Variants in DOCK11 observed in about 807,000 individuals in gnomAD.
The protein encoded by DOCK11 is dedicator of cytokinesis protein 11.
In DOCK11, 70 loss-of-function variants were observed where a neutral mutation model predicts 169.1. That is an observed-to-expected ratio of 0.41 (90% CI 0.34 to 0.51). The LOEUF (loss-of-function observed/expected upper bound fraction) is 0.51. Ranked by LOEUF, DOCK11 falls within the 20% of genes least tolerant of loss-of-function variation. The pLI, the probability that DOCK11 is intolerant of heterozygous loss-of-function variation, is 0.10. For synonymous variants in DOCK11, 529 were observed against 541.3 expected (o/e 0.98, Z 0.32); for missense variants, 1,166 against 1,538.8 (o/e 0.76, Z 4.05).
At chrX:118,599,103 T>A in intron 22 of DOCK11, 36 bp from the exon 23 acceptor site, 1 of 1,119,761 alleles carries the variant, frequency 8.9e-7, no homozygotes, top group Non-Finnish European at 1.2e-6. Context: ...GGATAATGAA[T>A]CAAATTTCAT....
chrX:118,629,632 A>G (rs947338762), intron 34 of DOCK11, among the ~76,000 whole-genome samples: 2 of 109,961 alleles, frequency 1.8e-5, no homozygotes, highest in Non-Finnish European at 1.9e-5. Flanking sequence ...ATCGTAATAT[A>G]ATTAGCCCAT....
chrX:118,586,018 A>G (rs893964823), intron 16 of DOCK11, among the ~76,000 whole-genome samples: 6 of 112,381 alleles, frequency 5.3e-5, no homozygotes, highest in Non-Finnish European at 9.4e-5. Flanking sequence ...GGTTTTGGCC[A>G]GGTGGTATCA....
chrX:118,635,363 A>G (rs1204116625), intron 35 of DOCK11, among the ~76,000 whole-genome samples: 1 of 111,999 alleles, frequency 8.9e-6, no homozygotes, highest in Non-Finnish European at 1.9e-5. Flanking sequence ...TGGAAAGTCA[A>G]GTGGTGGCAC....
At position 118,601,960 on chromosome X, in the gene DOCK11, TG is replaced by T. The variant is rs1292067272; in HGVS notation, c.2562+2733del. Among the ~76,000 whole-genome samples the T allele has an allele frequency of 1.5e-4, 16 of 106,235 alleles. No homozygotes were observed. In the South Asian group the frequency reaches 5.8e-3, roughly 39 times the overall value. The allele number at this position is 106,235 out of a possible 115,157, so 92.3% of individuals were successfully genotyped here. Reference sequence around the variant, plus strand: ...GCCCAGCTAATTTTTTTTTTTTTTTTGTATTTTTTAGTAGAGATGGGGTTTT... The same window carrying T: ...GCCCAGCTAATTTTTTTTTTTTTTTTTATTTTTTAGTAGAGATGGGGTTTT... On this transcript the variant is annotated intron_variant, in intron 23 of 52. Transcript: ENST00000276202.
At chrX:118,621,130 G>T (rs2014960653) in intron 31 of DOCK11, among the ~76,000 whole-genome samples, 1 of 112,652 alleles carries the variant, frequency 8.9e-6, no homozygotes, top group Non-Finnish European at 1.9e-5. Flanking sequence ...GAAATGCCAA[G>T]CCTTATTACT....
intron 24 of DOCK11, among the ~76,000 whole-genome samples, chrX:118,607,710 C>T (rs944928849): frequency 1.8e-5 from 2 of 111,770 alleles, no homozygotes; most frequent in African/African-American, 6.5e-5. Context: ...TTTCTATTCT[C>T]TTCCTTTTAT....
chrX:118,516,194 G>A (rs1290483559), intron 1 of DOCK11, among the ~76,000 whole-genome samples: 24 of 94,442 alleles, frequency 2.5e-4, no homozygotes, highest in Admixed American at 2.4e-3. Context: ...CCGGGTTCAC[G>A]CCATTCTCCT....
In DOCK11 at chrX:118,662,734, T is replaced by C. The variant is rs200574073; in HGVS notation, c.5018T>C (p.Ile1673Thr). The change falls in exon 45 of 53, where the codon ATA becomes ACA. Residue 1673 changes from isoleucine (I) to threonine (T), a missense_variant. Physicochemically the swap from Ile to Thr is moderately conservative, Grantham distance 89. Transcript: ENST00000276202. ...GCGTTCAAGAAAATTACTCCCAATA[T>C]AGATGAAGAAGGAGCAATGAAAGAA... ...CSAFKKITPN[I>T]DEEGAMKEDA... 4.2e-5 allele frequency: 51 copies of C among 1,201,829 alleles called. No individual in the cohort carries two copies. The East Asian group carries it at 1.3e-3, about 31-fold the overall frequency.
chrX:118,500,777 T>G (rs749319648), intron 1 of DOCK11, among the ~76,000 whole-genome samples: 1 of 110,166 alleles, frequency 9.1e-6, no homozygotes, highest in Non-Finnish European at 1.9e-5. Context: ...AACGCCACCG[T>G]GCCCAGCTAA....
intron 1 of DOCK11, among the ~76,000 whole-genome samples, chrX:118,507,002 G>A (rs980074389): frequency 2.7e-5 from 3 of 112,203 alleles, no homozygotes; most frequent in South Asian, 7.3e-4. Context: ...CCAGCTCTAC[G>A]TGGTTCATCT....
At chrX:118,675,371 G>A (rs1037753791) in intron 46 of DOCK11, among the ~76,000 whole-genome samples, 7 of 111,956 alleles carry the variant, frequency 6.3e-5, no homozygotes, top group East Asian at 2.8e-4. Flanking sequence ...AAAATATTCC[G>A]ATCCTGTAGA....
intron 32 of DOCK11, 98 bp downstream of exon 32, chrX:118,624,753 A>ATTT: frequency 1.3e-5 from 4 of 309,163 alleles, no homozygotes; most frequent in Non-Finnish European, 2.1e-5. Context: ...TTAAGAGTTC[A>ATTT]CTTTTTTTTT....
rs760883352 is a variant in DOCK11, at chrX:118,558,088, T to C, written c.559-3295T>C. ...CTCCCGGGTACAAGTAATTCTCACC[T>C]CAGCCTCCCGAGTTGCTGGGATTAC... On this transcript the variant is annotated intron_variant, in intron 6 of 52. Coordinates refer to ENST00000276202, the MANE Select transcript of DOCK11 (RefSeq NM_144658.4). Among the ~76,000 whole-genome samples the C allele has an allele frequency of 7.6e-4, 81 of 106,002 alleles. 1 individual carries two copies. The highest frequency in any genetic ancestry group is 2.6e-3 in the African/African-American group (74 of 28,991). 92.0% of individuals were successfully genotyped at this position (106,002 alleles called of 115,157 possible). A position where few individuals can be genotyped will look rare whatever the true frequency, so the allele number is the denominator to read the frequency against.
intron 23 of DOCK11, among the ~76,000 whole-genome samples, chrX:118,600,653 C>T (rs1467753082): frequency 9.0e-6 from 1 of 110,745 alleles, no homozygotes; most frequent in Non-Finnish European, 1.9e-5. Flanking sequence ...ATAAAGAAAA[C>T]CAGCACAATG....
intron 6 of DOCK11, among the ~76,000 whole-genome samples, chrX:118,549,381 T>C (rs138002697): frequency 9.3e-4 from 102 of 109,746 alleles, no homozygotes; most frequent in African/African-American, 3.3e-3. Context: ...TGATCTCAAG[T>C]GATCCACCTA....
chrX:118,670,983 A>G (rs1603182964), intron 45 of DOCK11, 40 bp from the exon 46 acceptor site: 1 of 1,142,129 alleles, frequency 8.8e-7, no homozygotes, highest in Non-Finnish European at 1.2e-6. Context: ...AAACTCTAAA[A>G]CTATTTTTAA....
chrX:118,656,686 A>T (rs777038442), intron 44 of DOCK11, among the ~76,000 whole-genome samples: 2 of 112,138 alleles, frequency 1.8e-5, no homozygotes, highest in Non-Finnish European at 3.8e-5. Context: ...AAATCTGGCC[A>T]GGCATGGTGG....
At chrX:118,567,432 ATT>A (rs746150692) in intron 9 of DOCK11, among the ~76,000 whole-genome samples, 8 of 92,286 alleles carry the variant, frequency 8.7e-5, no homozygotes, top group Non-Finnish European at 4.4e-5. Flanking sequence ...CTAATCTAGG[ATT>A]TTTTTTTTTT....
chrX:118,508,892 C>G lies in DOCK11; in HGVS notation c.102+12819C>G, dbSNP rs186546344. On this transcript the variant is annotated intron_variant, in intron 1 of 52. Coordinates refer to ENST00000276202, the MANE Select transcript of DOCK11 (RefSeq NM_144658.4). ...CAGTTCTGTAATAACAAACCCAGCT[C>G]CCTCTCCCTGCCTGCCCTGCTTCCT... 3.6e-4 allele frequency among the ~76,000 whole-genome samples: 40 copies of G among 112,319 alleles called. No homozygotes were observed. The East Asian group carries it at 8.9e-3, about 25-fold the overall frequency.
Sources: allele counts gnomAD v4.1 joint callset (sites outside exome capture counted in the v4.1 genomes callset), GRCh38; gene constraint gnomAD v4.1.1; transcripts MANE v1.5; gene names NCBI Gene and HGNC (gene_info 2026-07-23, HGNC 2026-07-21).